Variants in EIF2B3 observed in about 807,000 individuals in gnomAD.
EIF2B3 encodes the protein translation initiation factor eIF2B subunit gamma.
Under a neutral mutation model 54.1 loss-of-function variants are expected in EIF2B3, and 20 were observed. The observed-to-expected ratio is 0.37, with a 90% CI of 0.26 to 0.54. The LOEUF (loss-of-function observed/expected upper bound fraction) is 0.54. Ranked by LOEUF, EIF2B3 falls within the 20% of genes least tolerant of loss-of-function variation. The pLI is 0.86. For synonymous variants in EIF2B3, 153 were observed against 188.1 expected, an observed-to-expected ratio of 0.81 and a Z score of 1.52; for missense variants, 448 against 547.8, an observed-to-expected ratio of 0.82 and a Z score of 1.82.
chr1:44,872,294 A>T (rs1654991283), intron 10 of EIF2B3, among the ~76,000 whole-genome samples: 1 of 152,010 alleles, frequency 6.6e-6, no homozygotes, highest in African/African-American at 2.4e-5. Flanking sequence ...CGACCTTCCA[A>T]AGTGCCGGGA....
intron 3 of EIF2B3, among the ~76,000 whole-genome samples, chr1:44,946,161 T>A (rs1644100053): frequency 6.6e-6 from 1 of 152,132 alleles, no homozygotes; most frequent in Non-Finnish European, 1.5e-5. Flanking sequence ...ACCCCTCCAC[T>A]CAATGTCTGG....
At chr1:44,983,079 A>T (rs1644531835) in intron 1 of EIF2B3, among the ~76,000 whole-genome samples, 2 of 150,640 alleles carry the variant, frequency 1.3e-5, no homozygotes, top group South Asian at 4.2e-4. Context: ...CGCCTGGCTA[A>T]TTCTTTTAAT....
At chr1:44,876,679 C>A (rs559603833) in intron 8 of EIF2B3, among the ~76,000 whole-genome samples, 1 of 121,796 alleles carries the variant, frequency 8.2e-6, no homozygotes, top group African/African-American at 3.5e-5. Context: ...CCGGCCACGA[C>A]CCCCTCTGGG....
At chr1:44,951,954 A>ATTTTTTTTTTTTTTTTTTTTTTTTTTTT (rs1171020644) in intron 3 of EIF2B3, among the ~76,000 whole-genome samples, 3 of 44,652 alleles carry the variant, frequency 6.7e-5, no homozygotes, top group Non-Finnish European at 1.1e-4. Flanking sequence ...TGCCTGGCTA[A>ATTTTTTTTTTTTTTTTTTTTTTTTTTTT]TTTTTTTTTT....
chr1:44,931,132 T>A (rs369035541), intron 4 of EIF2B3, among the ~76,000 whole-genome samples: 1 of 152,340 alleles, frequency 6.6e-6, no homozygotes, highest in African/African-American at 2.4e-5. Context: ...GACTTCTGTC[T>A]TTCTAGAAGA....
intron 3 of EIF2B3, among the ~76,000 whole-genome samples, chr1:44,957,691 G>A (rs1644242137): frequency 6.6e-6 from 1 of 152,132 alleles, no homozygotes; most frequent in African/African-American, 2.4e-5. Flanking sequence ...AACCTGAGAG[G>A]TGAAGGCTGC....
Position 44,942,393 on chromosome 1 carries a change from A to ATGTGTGTATATATATATG in EIF2B3, c.295-729_295-728insCATATATATATACACACA, listed in dbSNP as rs1207924714. On this transcript the variant is annotated intron_variant, in intron 3 of 11. Coordinates refer to ENST00000360403, the MANE Select transcript of EIF2B3 (RefSeq NM_020365.5). ...TTTCTGATTTTATATATATATATATATATATATATATATATATATATATAT... is the reference window on the plus strand; with the variant it reads ...TTTCTGATTTTATATATATATATATATGTGTGTATATATATATGTATATATATATATATATATATATAT... 1.2e-3 allele frequency among the ~76,000 whole-genome samples: 15 copies of ATGTGTGTATATATATATG among 12,748 alleles called. 1 individual carries two copies. The highest frequency in any genetic ancestry group is 7.9e-3 in the African/African-American group (15 of 1,890). 8.4% of individuals were successfully genotyped at this position (12,748 alleles called of 152,430 possible).
chr1:44,875,864 C>T (rs952561867), intron 8 of EIF2B3, among the ~76,000 whole-genome samples, 169 bp from the exon 9 acceptor site: 4 of 152,210 alleles, frequency 2.6e-5, no homozygotes, highest in Admixed American at 6.5e-5. Context: ...GCTGCCATCT[C>T]GGCTCACTGC....
intron 6 of EIF2B3, among the ~76,000 whole-genome samples, chr1:44,890,173 T>C (rs1655747885): frequency 6.6e-6 from 1 of 152,192 alleles, no homozygotes; most frequent in Non-Finnish European, 1.5e-5. Context: ...GGATCTGATA[T>C]AAAAACGGGA....
At chr1:44,888,706 C>T (rs926173120) in intron 6 of EIF2B3, among the ~76,000 whole-genome samples, 5 of 152,192 alleles carry the variant, frequency 3.3e-5, no homozygotes, top group African/African-American at 4.8e-5. Context: ...CTGCTCAAGA[C>T]GGCCCAGCAA....
At chr1:44,917,875 A>G (rs1341604924) in intron 5 of EIF2B3, among the ~76,000 whole-genome samples, 1 of 136,918 alleles carries the variant, frequency 7.3e-6, no homozygotes, top group African/African-American at 2.7e-5. Flanking sequence ...CCGGGTTCAC[A>G]CCATTCTCCT....
chr1:44,901,863 A>G lies in EIF2B3; in HGVS notation c.567-4419T>C, dbSNP rs1186492309. ...GCAAGAGCCACTGCACCCGGCCCTC[A>G]TTTTCTTAATAGTGTCTTTGGGGTT... is the stretch of plus-strand genomic sequence containing the variant. On this transcript the variant is annotated intron_variant, in intron 5 of 11. Coordinates refer to ENST00000360403, the MANE Select transcript of EIF2B3 (RefSeq NM_020365.5). Among the ~76,000 whole-genome samples, 3 of 151,960 alleles carry G rather than the reference A, an allele frequency of 2.0e-5. No homozygotes were observed. In the East Asian group the frequency reaches 5.8e-4, roughly 29 times the overall value.
intron 1 of EIF2B3, among the ~76,000 whole-genome samples, chr1:44,985,783 A>G (rs1644567868): frequency 6.6e-6 from 1 of 152,224 alleles, no homozygotes; most frequent in African/African-American, 2.4e-5. Flanking sequence ...GACGGGAATC[A>G]TGGCAACGAG....
At chr1:44,958,862 G>T (rs750042643) in intron 3 of EIF2B3, 1 of 890,234 alleles carries the variant, frequency 1.1e-6, no homozygotes, top group Non-Finnish European at 1.9e-6. Flanking sequence ...AGGTACATCA[G>T]GAACATCTCT....
chr1:44,867,260 T>C (rs1175612321), intron 10 of EIF2B3, among the ~76,000 whole-genome samples: 1 of 152,114 alleles, frequency 6.6e-6, no homozygotes, highest in Non-Finnish European at 1.5e-5. Flanking sequence ...GGACCAAACA[T>C]GCAGAATACA....
intron 10 of EIF2B3, among the ~76,000 whole-genome samples, chr1:44,866,140 G>A (rs1654771939): frequency 1.3e-5 from 2 of 152,008 alleles, no homozygotes; most frequent in African/African-American, 4.8e-5. Flanking sequence ...GCTCACGCCT[G>A]TAATCTCAGC....
intron 4 of EIF2B3, among the ~76,000 whole-genome samples, chr1:44,931,273 G>C (rs1376973499): frequency 6.6e-6 from 1 of 152,294 alleles, no homozygotes; most frequent in East Asian, 1.9e-4. Flanking sequence ...CTAGGGAAAT[G>C]AAATTCTCCC....
At chr1:44,923,940 CTTTT>C (rs570038780) in intron 5 of EIF2B3, among the ~76,000 whole-genome samples, 5 of 131,698 alleles carry the variant, frequency 3.8e-5, no homozygotes, top group Non-Finnish European at 4.9e-5. Flanking sequence ...AATTTCTTTC[CTTTT>C]TTTTTTTTTT....
At chr1:44,927,970 T>C (rs566147328) in intron 4 of EIF2B3, among the ~76,000 whole-genome samples, 6 of 152,058 alleles carry the variant, frequency 3.9e-5, no homozygotes, top group Non-Finnish European at 8.8e-5. Flanking sequence ...AAGATCAGCC[T>C]GGGCAACACT....
Sources: allele counts gnomAD v4.1 joint callset (sites outside exome capture counted in the v4.1 genomes callset), GRCh38; gene constraint gnomAD v4.1.1; transcripts MANE v1.5; gene names NCBI Gene and HGNC (gene_info 2026-07-23, HGNC 2026-07-21).